Variants in ZFAT observed in about 807,000 individuals in gnomAD.
The protein encoded by ZFAT is zinc finger protein ZFAT.
In ZFAT, 64 loss-of-function variants were observed where a neutral mutation model predicts 117.7. The observed-to-expected ratio is 0.54, with a 90% confidence interval of 0.44 to 0.67. The LOEUF (loss-of-function observed/expected upper bound fraction) is 0.67, where lower values mean the gene tolerates loss of function less well. Ranked by LOEUF, ZFAT falls within the 30% of genes least tolerant of loss-of-function variation. The probability of loss-of-function intolerance (pLI) is 0.00; values close to 1 mark genes in which losing one functional copy is unlikely to be tolerated. For synonymous variants in ZFAT, 679 were observed against 615.0 expected (o/e 1.10, Z -1.54); for missense variants, 1,433 against 1,584.5 (o/e 0.90, Z 1.62).
At chr8:134,646,247 T>G (rs953136278) in intron 2 of ZFAT, among the ~76,000 whole-genome samples, 1 of 152,156 alleles carries the variant, frequency 6.6e-6, no homozygotes, top group Non-Finnish European at 1.5e-5. Flanking sequence ...TATGTGGAAT[T>G]AAATTAGAAA....
At chr8:134,606,744 A>AC (rs1256201823) in intron 5 of ZFAT, among the ~76,000 whole-genome samples, 5 of 152,006 alleles carry the variant, frequency 3.3e-5, no homozygotes, top group African/African-American at 1.2e-4. Flanking sequence ...AAAAAAAAAA[A>AC]AAAAGTTTTA....
intron 12 of ZFAT, among the ~76,000 whole-genome samples, chr8:134,522,618 T>C (rs943382418): frequency 1.3e-5 from 2 of 152,094 alleles, no homozygotes; most frequent in African/African-American, 4.8e-5. Flanking sequence ...GCCCTCCACG[T>C]CCTCAGCTAC....
chr8:134,663,401 A>G (rs2131228187), intron 1 of ZFAT, among the ~76,000 whole-genome samples: 1 of 152,348 alleles, frequency 6.6e-6, no homozygotes, highest in East Asian at 1.9e-4. Context: ...AATAGATGGA[A>G]GGAAGGAGAG....
At chr8:134,563,138 G>A (rs750813299) in intron 11 of ZFAT, among the ~76,000 whole-genome samples, 26 of 152,236 alleles carry the variant, frequency 1.7e-4, no homozygotes, top group South Asian at 4.2e-4. Flanking sequence ...TTTTAAATAC[G>A]TACACAAATA....
the ZFAT span, among the ~76,000 whole-genome samples, chr8:134,811,303 T>A: frequency 6.6e-6 from 1 of 152,144 alleles, no homozygotes; most frequent in African/African-American, 2.4e-5. Context: ...TGCTGAAGAC[T>A]GGGAAGCACA....
intron 5 of ZFAT, 126 bp from the exon 6 acceptor site, chr8:134,603,059 G>A (rs1827634034): frequency 1.4e-5 from 18 of 1,296,550 alleles, no homozygotes; most frequent in East Asian, 2.3e-5. Flanking sequence ...CGCTGGATGG[G>A]TGCAGTCACT....
chr8:134,672,955 A>G (rs1832630360), intron 1 of ZFAT, among the ~76,000 whole-genome samples: 1 of 152,258 alleles, frequency 6.6e-6, no homozygotes, highest in African/African-American at 2.4e-5. Flanking sequence ...AAGGGAAAGT[A>G]TAAAAATATG....
intron 2 of ZFAT, among the ~76,000 whole-genome samples, chr8:134,655,960 G>A (rs1831577113): frequency 2.0e-5 from 3 of 152,316 alleles, no homozygotes; most frequent in South Asian, 4.1e-4. Context: ...TGGCTGAGGT[G>A]AGAGGAATGC....
Position 134,712,973 on chromosome 8 carries a change from T to G in ZFAT, c.-110A>C. ...CTGACGCTTCGCTTTTTATTTTTATTTTTTTAAGAAAAGAGCCGGCGAGGT... is the reference window on the plus strand; with the variant it reads ...CTGACGCTTCGCTTTTTATTTTTATGTTTTTAAGAAAAGAGCCGGCGAGGT... On this transcript the variant is annotated 5_prime_UTR_variant, in exon 1 of 16. Coordinates refer to ENST00000377838, the MANE Select transcript of ZFAT (RefSeq NM_020863.4). The G allele has an allele frequency of 7.7e-7, 1 of 1,297,864 alleles. No individual in the cohort carries two copies. The highest frequency in any genetic ancestry group is 1.0e-6 in the Non-Finnish European group (1 of 991,454). 80.4% of individuals were successfully genotyped at this position (1,297,864 alleles called of 1,614,324 possible).
intron 3 of ZFAT, 119 bp from the exon 4 acceptor site, chr8:134,610,774 C>T: frequency 9.0e-7 from 1 of 1,105,934 alleles, no homozygotes; most frequent in Non-Finnish European, 1.3e-6. Flanking sequence ...TCTGCAGTGC[C>T]ACGCAGACCA....
chr8:134,548,060 C>G (rs1309742005), intron 11 of ZFAT, among the ~76,000 whole-genome samples: 1 of 152,152 alleles, frequency 6.6e-6, no homozygotes, highest in African/African-American at 2.4e-5. Flanking sequence ...GGCTCCAAGC[C>G]CTTGAAGGAG....
intron 1 of ZFAT, among the ~76,000 whole-genome samples, chr8:134,683,627 G>A (rs1306578281): frequency 6.6e-6 from 1 of 152,158 alleles, no homozygotes; most frequent in Admixed American, 6.5e-5. Flanking sequence ...AGCCTTGAGT[G>A]TGGAAAGAGG....
chr8:134,778,148 C>A, the ZFAT span, among the ~76,000 whole-genome samples: 11 of 152,120 alleles, frequency 7.2e-5, no homozygotes, highest in South Asian at 2.3e-3. Context: ...CATTTGTAAG[C>A]CTTTTAAAAA....
Position 134,704,958 on chromosome 8 carries a change from TAAGAG to T in ZFAT, c.19+7882_19+7886del, listed in dbSNP as rs1160166875. On this transcript the variant is annotated intron_variant, in intron 1 of 15. Transcript: ENST00000377838. ...GACCTTAAAGTAGGAAAACATTTCT[TAAGAG>T]AAGATACAAAAAGCACTTCCGATAA... Among the ~76,000 whole-genome samples the T allele has an allele frequency of 5.3e-5, 8 of 151,620 alleles. No homozygotes were observed. In the South Asian group the frequency reaches 1.7e-3, roughly 32 times the overall value.
chr8:134,564,843 C>A, intron 11 of ZFAT: 1 of 644,780 alleles, frequency 1.6e-6, no homozygotes, highest in Non-Finnish European at 2.2e-6. Context: ...AAATTAGAGG[C>A]ATTAAAAGAA....
chr8:134,624,794 T>C (rs1381357552), intron 3 of ZFAT, among the ~76,000 whole-genome samples: 7 of 152,220 alleles, frequency 4.6e-5, no homozygotes, highest in Non-Finnish European at 4.4e-5. Context: ...GTATGTTGAA[T>C]TGGAAGCAGG....
chr8:134,629,665 T>C (rs2131063104), intron 3 of ZFAT, among the ~76,000 whole-genome samples: 1 of 152,328 alleles, frequency 6.6e-6, no homozygotes, highest in African/African-American at 2.4e-5. Flanking sequence ...TCACTCTCTC[T>C]CCTGCCACCA....
intron 1 of ZFAT, among the ~76,000 whole-genome samples, chr8:134,701,945 T>C (rs907000880): frequency 7.9e-5 from 12 of 152,238 alleles, no homozygotes; most frequent in Non-Finnish European, 1.2e-4. Flanking sequence ...TGGACCATGA[T>C]GGCTCTGCTC....
intron 10 of ZFAT, among the ~76,000 whole-genome samples, chr8:134,570,428 T>C (rs1270495807): frequency 1.3e-5 from 2 of 152,226 alleles, no homozygotes; most frequent in Non-Finnish European, 2.9e-5. Context: ...ATTTATAGTG[T>C]TTGTTATCCA....
Sources: gnomAD v4.1 joint callset for allele counts (sites outside exome capture counted in the v4.1 genomes callset) on GRCh38, gnomAD v4.1.1 for gene constraint, MANE v1.5 for transcripts, NCBI Gene and HGNC (gene_info 2026-07-23, HGNC 2026-07-21) for gene names.